The following ATP8A2 variants were observed in gnomAD, a reference collection of about 807,000 sequenced individuals.
The protein encoded by ATP8A2 is ATPase phospholipid transporting 8A2.
In ATP8A2, 100 loss-of-function variants were observed where a neutral mutation model predicts 165.6. The ratio of observed to expected loss-of-function variants is 0.60; its 90% confidence interval spans 0.51 to 0.71. The LOEUF (loss-of-function observed/expected upper bound fraction) is 0.71, where lower values mean the gene tolerates loss of function less well. Ranked by LOEUF, ATP8A2 falls within the 30% of genes least tolerant of loss-of-function variation. The probability of loss-of-function intolerance (pLI) is 0.00; values close to 1 mark genes in which losing one functional copy is unlikely to be tolerated. For missense variants in ATP8A2, 1,227 were observed against 1,479.5 expected (o/e 0.83, Z 2.80); for synonymous variants, 543 against 548.8 (o/e 0.99, Z 0.15).
chr13:25,895,494 CT>C (rs1338415397), intron 33 of ATP8A2, among the ~76,000 whole-genome samples: 1 of 152,130 alleles, frequency 6.6e-6, no homozygotes, highest in Non-Finnish European at 1.5e-5. Flanking sequence ...CTAAAATTCT[CT>C]TTTTTTGTTG....
intron 1 of ATP8A2, among the ~76,000 whole-genome samples, chr13:25,429,445 C>T (rs990582977): frequency 1.3e-5 from 2 of 149,596 alleles, no homozygotes; most frequent in Non-Finnish European, 3.0e-5. Flanking sequence ...TCTCCGAATT[C>T]TGGGGGATTC....
At chr13:25,451,451 T>G (rs1451854001) in intron 1 of ATP8A2, among the ~76,000 whole-genome samples, 2 of 152,140 alleles carry the variant, frequency 1.3e-5, no homozygotes, top group Non-Finnish European at 2.9e-5. Flanking sequence ...CAGAAAATAG[T>G]TGTTTCCTAT....
intron 1 of ATP8A2, among the ~76,000 whole-genome samples, chr13:25,387,299 A>T (rs2033090174): frequency 6.6e-6 from 1 of 152,100 alleles, no homozygotes; most frequent in Non-Finnish European, 1.5e-5. Flanking sequence ...TCTTTTCCAG[A>T]CCTGAAACTT....
chr13:25,892,857 T>C (rs149155211), intron 33 of ATP8A2, among the ~76,000 whole-genome samples: 1 of 151,940 alleles, frequency 6.6e-6, no homozygotes, highest in East Asian at 1.9e-4. Context: ...TGACTCCTGA[T>C]AGAAAATATT....
At chr13:25,927,735 A>G (rs1051628458) in intron 33 of ATP8A2, among the ~76,000 whole-genome samples, 1 of 152,226 alleles carries the variant, frequency 6.6e-6, no homozygotes, top group African/African-American at 2.4e-5. Flanking sequence ...TTTTTCGTAG[A>G]TGTTCATCCA....
At chr13:25,853,395 AAATATATATATATATG>A (rs1399742578) in intron 30 of ATP8A2, among the ~76,000 whole-genome samples, 124 of 109,674 alleles carry the variant, frequency 1.1e-3, no homozygotes, top group South Asian at 2.2e-3. Context: ...TATCTAAAAA[AAATATATATATATATG>A]TATATATATA....
intron 8 of ATP8A2, among the ~76,000 whole-genome samples, chr13:25,540,915 G>T (rs2038454721): frequency 6.6e-6 from 1 of 151,092 alleles, no homozygotes. Context: ...AGGCTGGAGT[G>T]CAGTGATGCG....
intron 31 of ATP8A2, 81 bp downstream of exon 31, chr13:25,860,337 T>C: frequency 1.4e-6 from 1 of 722,616 alleles, no homozygotes. Flanking sequence ...AAAAAGGGCC[T>C]TCCTCATTAT....
chr13:25,684,290 G>A (rs1024293443), intron 24 of ATP8A2, among the ~76,000 whole-genome samples: 2 of 152,162 alleles, frequency 1.3e-5, no homozygotes, highest in African/African-American at 2.4e-5. Context: ...TTGCTCCTGC[G>A]TTTCCTTTAT....
intron 24 of ATP8A2, among the ~76,000 whole-genome samples, chr13:25,697,146 G>T (rs905241357): frequency 2.6e-5 from 4 of 152,184 alleles, no homozygotes; most frequent in Non-Finnish European, 4.4e-5. Flanking sequence ...GCACAATAAA[G>T]TGAAGCACAA....
chr13:25,446,596 C>T (rs187624020), intron 1 of ATP8A2, among the ~76,000 whole-genome samples: 2 of 152,220 alleles, frequency 1.3e-5, no homozygotes, highest in Non-Finnish European at 2.9e-5. Flanking sequence ...AATCACTTTG[C>T]CAACCCCAGA....
intron 8 of ATP8A2, 152 bp from the exon 9 acceptor site, chr13:25,541,767 C>G (rs2038484666): frequency 1.4e-6 from 1 of 739,890 alleles, no homozygotes; most frequent in African/African-American, 1.8e-5. Flanking sequence ...GAAAAGTCTG[C>G]CTTGAGGGGC....
chr13:25,968,906 G>A (rs1344903581), intron 35 of ATP8A2, among the ~76,000 whole-genome samples: 1 of 150,980 alleles, frequency 6.6e-6, no homozygotes, highest in Non-Finnish European at 1.5e-5. Context: ...GGGTTTAGAA[G>A]TGAGCAAAAC....
At chr13:25,567,201 G>A (rs2039340335) in intron 16 of ATP8A2, 1 of 384,970 alleles carries the variant, frequency 2.6e-6, no homozygotes, top group Non-Finnish European at 5.2e-6. Context: ...GGTGTTTTGG[G>A]TCCCTGTGAC....
intron 1 of ATP8A2, among the ~76,000 whole-genome samples, chr13:25,413,426 C>T (rs543690352): frequency 3.5e-4 from 53 of 151,476 alleles, no homozygotes; most frequent in Admixed American, 5.3e-4. Flanking sequence ...GGATTACAGG[C>T]GCCCACCCCC....
At chr13:25,873,592 CTT>C (rs1360864120) in intron 33 of ATP8A2, among the ~76,000 whole-genome samples, 13 of 151,380 alleles carry the variant, frequency 8.6e-5, no homozygotes, top group Admixed American at 1.3e-4. Flanking sequence ...CCTCTCCCCT[CTT>C]ATTATGATGA....
chr13:25,574,879 T>A (rs1421985118), intron 19 of ATP8A2, 22 bp downstream of exon 19: 1 of 1,341,728 alleles, frequency 7.5e-7, no homozygotes, highest in East Asian at 2.3e-5. Flanking sequence ...TTTCATACGT[T>A]TGAAATAAAA....
chr13:25,817,620 T>C (rs1259635145), intron 27 of ATP8A2, among the ~76,000 whole-genome samples: 1 of 152,216 alleles, frequency 6.6e-6, no homozygotes, highest in African/African-American at 2.4e-5. Context: ...TTTATTTCCA[T>C]GTAATAATTT....
At chr13:25,381,771 G>A (rs1194111017) in intron 1 of ATP8A2, among the ~76,000 whole-genome samples, 2 of 152,146 alleles carry the variant, frequency 1.3e-5, no homozygotes, top group African/African-American at 4.8e-5. Flanking sequence ...ATAGAGTGTG[G>A]CTGAAGAGCC....
Sources: gnomAD v4.1 joint callset for allele counts (sites outside exome capture counted in the v4.1 genomes callset) on GRCh38, gnomAD v4.1.1 for gene constraint, MANE v1.5 for transcripts, NCBI Gene and HGNC (gene_info 2026-07-23, HGNC 2026-07-21) for gene names.